The following KIAA1671 variants were observed in gnomAD, a reference collection of about 807,000 sequenced individuals.
KIAA1671 encodes uncharacterized protein KIAA1671.
A neutral mutation model predicts 131.2 loss-of-function variants in KIAA1671; 52 were observed. The ratio of observed to expected loss-of-function variants is 0.40; its 90% CI spans 0.32 to 0.50. The LOEUF is 0.50. Among genes scored for constraint, KIAA1671 ranks in the 20% least tolerant of loss-of-function variants. KIAA1671 has a pLI of 0.73. For missense variants in KIAA1671, 2,360 were observed against 2,364.2 expected, an observed-to-expected ratio of 1.00 and a Z score of 0.04; for synonymous variants, 1,003 against 961.6, an observed-to-expected ratio of 1.04 and a Z score of -0.80.
intron 6 of KIAA1671, among the ~76,000 whole-genome samples, chr22:25,121,647 G>A (rs1931951546): frequency 6.6e-6 from 1 of 152,158 alleles, no homozygotes. Flanking sequence ...CCAATTGTAA[G>A]CTTCTAACTA....
chr22:24,976,595 C>T (rs926062828), intron 1 of KIAA1671, among the ~76,000 whole-genome samples: 7 of 152,154 alleles, frequency 4.6e-5, no homozygotes, highest in South Asian at 4.1e-4. Flanking sequence ...CCACCTGTGA[C>T]GCAGAGAGCC....
intron 6 of KIAA1671, among the ~76,000 whole-genome samples, chr22:25,170,617 C>A (rs1933813198): frequency 6.6e-6 from 1 of 152,184 alleles, no homozygotes; most frequent in Admixed American, 6.5e-5. Context: ...CACTGAAAGT[C>A]CTGTATCCTG....
intron 1 of KIAA1671, among the ~76,000 whole-genome samples, chr22:24,997,174 C>T (rs534152330): frequency 1.6e-4 from 24 of 152,268 alleles, no homozygotes; most frequent in African/African-American, 3.9e-4. Context: ...GCAAGGCAGA[C>T]GAGTAACCAG....
chr22:25,010,450 G>A (rs1924975992), intron 1 of KIAA1671: 1 of 152,116 alleles, frequency 6.6e-6, no homozygotes, highest in African/African-American at 2.4e-5. Context: ...CAAAGTGCTG[G>A]GATTACAGGC....
chr22:25,189,367 G>T (rs1242627807), intron 11 of KIAA1671, among the ~76,000 whole-genome samples: 1 of 151,832 alleles, frequency 6.6e-6, no homozygotes, highest in Non-Finnish European at 1.5e-5. Context: ...TAGAGACAGG[G>T]TTTCACCGTG....
chr22:25,178,786 C>T (rs529359273), intron 9 of KIAA1671, among the ~76,000 whole-genome samples: 1 of 152,190 alleles, frequency 6.6e-6, no homozygotes, highest in East Asian at 1.9e-4. Context: ...CCCACCCACC[C>T]CCTGCCAGTT....
At chr22:25,176,717 A>C (rs969137261) in intron 8 of KIAA1671, 9 of 152,144 alleles carry the variant, frequency 5.9e-5, no homozygotes, top group African/African-American at 2.2e-4. Flanking sequence ...GCCCACCCAG[A>C]TGGTCTGTGC....
intron 6 of KIAA1671, among the ~76,000 whole-genome samples, chr22:25,101,334 A>G (rs1478325444): frequency 6.6e-6 from 1 of 152,212 alleles, no homozygotes; most frequent in Non-Finnish European, 1.5e-5. Context: ...AGGGGCTGTA[A>G]TTACAGATTG....
Position 25,028,867 on chromosome 22 carries a change from C to G in KIAA1671, c.868C>G (p.Arg290Gly). 6.4e-7 allele frequency: 1 copy of G among 1,551,020 alleles called. No homozygotes were observed. The highest frequency in any genetic ancestry group is 8.7e-7 in the Non-Finnish European group (1 of 1,146,860). ...PRPLSMDLTA[R>G]FENKEALLRK... is the part of the protein sequence containing the mutation. ...GCCCTTGTCCATGGACCTCACGGCCCGGTTTGAGAACAAAGAGGCCTTGCT... is the reference window on the plus strand; with the variant it reads ...GCCCTTGTCCATGGACCTCACGGCCGGGTTTGAGAACAAAGAGGCCTTGCT... Residue 290 changes from arginine to glycine, a missense_variant, in exon 3 of 13, where the codon CGG becomes GGG. Transcript: ENST00000358431.
At chr22:25,189,448 C>T (rs756252857) in intron 11 of KIAA1671, among the ~76,000 whole-genome samples, 6 of 152,004 alleles carry the variant, frequency 3.9e-5, no homozygotes, top group Admixed American at 6.6e-5. Flanking sequence ...GCAGGGATTA[C>T]GGGCGTGAGC....
chr22:24,995,207 T>G (rs571029469), intron 1 of KIAA1671, among the ~76,000 whole-genome samples: 2 of 151,766 alleles, frequency 1.3e-5, no homozygotes, highest in East Asian at 1.9e-4. Flanking sequence ...CCCGCCACCA[T>G]GCCTGGCTAA....
intron 6 of KIAA1671, among the ~76,000 whole-genome samples, chr22:25,088,749 C>T (rs1929866023): frequency 6.6e-6 from 1 of 152,122 alleles, no homozygotes; most frequent in Non-Finnish European, 1.5e-5. Flanking sequence ...CCATCACCTC[C>T]AATCTGCAGT....
intron 6 of KIAA1671, among the ~76,000 whole-genome samples, chr22:25,158,211 T>C (rs1933309779): frequency 6.6e-6 from 1 of 152,218 alleles, no homozygotes; most frequent in Non-Finnish European, 1.5e-5. Flanking sequence ...TCCTGTGATA[T>C]ATCAAGAGGG....
At chr22:24,992,924 G>T (rs1436041438) in intron 1 of KIAA1671, among the ~76,000 whole-genome samples, 3 of 151,948 alleles carry the variant, frequency 2.0e-5, no homozygotes, top group Admixed American at 6.6e-5. Context: ...CATCTGAGAG[G>T]TGGGGAAACT....
chr22:25,101,390 T>C (rs1930660373), intron 6 of KIAA1671, among the ~76,000 whole-genome samples: 1 of 152,196 alleles, frequency 6.6e-6, no homozygotes, highest in Non-Finnish European at 1.5e-5. Flanking sequence ...CTCCACAGCA[T>C]GGAAAACGCT....
chr22:25,043,402 C>T (rs1927055515), intron 5 of KIAA1671, among the ~76,000 whole-genome samples: 2 of 152,232 alleles, frequency 1.3e-5, no homozygotes, highest in South Asian at 4.2e-4. Context: ...AACAGAGGCT[C>T]AGAGAGGTGA....
At chr22:25,073,190 C>T (rs183851971) in intron 6 of KIAA1671, among the ~76,000 whole-genome samples, 175 of 152,278 alleles carry the variant, frequency 1.1e-3, no homozygotes, top group African/African-American at 3.8e-3. Flanking sequence ...ACCTCAGCCT[C>T]CAGAGTAGCT....
In KIAA1671 at chr22:25,149,936, C is replaced by A. The variant is rs542681963; in HGVS notation, c.4531-20884C>A. ...AGCCTTCCCTGACCCCCTCCCCATG[C>A]CCTTCGTCTGTGTTGCATCCATTCC... On this transcript the variant is annotated intron_variant, in intron 6 of 12. Transcript: ENST00000358431. 6.1e-4 allele frequency among the ~76,000 whole-genome samples: 93 copies of A among 152,336 alleles called. 1 individual carries two copies. The highest frequency in any genetic ancestry group is 9.8e-4 in the Non-Finnish European group (67 of 68,022).
intron 6 of KIAA1671, chr22:25,054,414 G>A (rs1927729839): frequency 6.7e-6 from 1 of 149,876 alleles, no homozygotes; most frequent in African/African-American, 2.4e-5. Context: ...CTCCGTGGCT[G>A]ACAGCTGTGT....
Sources: gnomAD v4.1 joint callset for allele counts (sites outside exome capture counted in the v4.1 genomes callset) on GRCh38, gnomAD v4.1.1 for gene constraint, MANE v1.5 for transcripts, NCBI Gene and HGNC (gene_info 2026-07-23, HGNC 2026-07-21) for gene names.